The following ST6GALNAC5 variants were observed in gnomAD, a reference collection of about 807,000 sequenced individuals.
ST6GALNAC5 encodes ST6 N-acetylgalactosaminide alpha-2,6-sialyltransferase 5.
In ST6GALNAC5, 27 loss-of-function variants were observed where a neutral mutation model predicts 33.6. The observed-to-expected ratio is 0.80, with a 90% CI of 0.59 to 1.11. The LOEUF is 1.11. Among genes scored for constraint, ST6GALNAC5 ranks in the 50% least tolerant of loss-of-function variants. The pLI, the probability that ST6GALNAC5 is intolerant of heterozygous loss-of-function variation, is 0.00. For synonymous variants in ST6GALNAC5, 194 were observed against 171.2 expected, an observed-to-expected ratio of 1.13 and a Z score of -1.04; for missense variants, 428 against 454.0, an observed-to-expected ratio of 0.94 and a Z score of 0.52.
intron 2 of ST6GALNAC5, among the ~76,000 whole-genome samples, chr1:77,007,222 G>A (rs190890392): frequency 6.9e-4 from 105 of 152,256 alleles, no homozygotes; most frequent in African/African-American, 2.3e-3. Flanking sequence ...GTATTCTGAC[G>A]TGAACTCAGG....
intron 2 of ST6GALNAC5, among the ~76,000 whole-genome samples, chr1:77,038,620 G>A (rs922497162): frequency 6.6e-6 from 1 of 152,304 alleles, no homozygotes; most frequent in East Asian, 1.9e-4. Context: ...TGTTTTAGGT[G>A]TCAAGTTTAA....
chr1:76,997,244 C>T (rs910878649), intron 2 of ST6GALNAC5, among the ~76,000 whole-genome samples: 6 of 152,148 alleles, frequency 3.9e-5, no homozygotes, highest in Admixed American at 1.3e-4. Flanking sequence ...CACATGTAGG[C>T]GGTACACAGA....
At chr1:76,890,441 C>T (rs995577048) in intron 2 of ST6GALNAC5, among the ~76,000 whole-genome samples, 2 of 152,062 alleles carry the variant, frequency 1.3e-5, no homozygotes, top group African/African-American at 2.4e-5. Flanking sequence ...CTTGTCCCTC[C>T]ACATGGTTGT....
intron 4 of ST6GALNAC5, among the ~76,000 whole-genome samples, chr1:77,061,046 A>AT (rs957603450): frequency 1.3e-5 from 2 of 152,146 alleles, no homozygotes; most frequent in African/African-American, 4.8e-5. Context: ...GTTAGAAGGC[A>AT]TTTTTTGTGT....
intron 2 of ST6GALNAC5, among the ~76,000 whole-genome samples, chr1:77,022,261 C>T (rs1024380268): frequency 2.6e-5 from 4 of 152,138 alleles, no homozygotes; most frequent in Non-Finnish European, 2.9e-5. Flanking sequence ...ACTGAGACCC[C>T]AAGAAATTTA....
chr1:76,994,573 A>G (rs1323749867), intron 2 of ST6GALNAC5, among the ~76,000 whole-genome samples: 1 of 151,962 alleles, frequency 6.6e-6, no homozygotes, highest in African/African-American at 2.4e-5. Context: ...TGTATTAAAG[A>G]CCCCGAGCCC....
At chr1:76,869,291 T>A (rs1253660007) in intron 2 of ST6GALNAC5, among the ~76,000 whole-genome samples, 2 of 152,174 alleles carry the variant, frequency 1.3e-5, no homozygotes, top group Non-Finnish European at 2.9e-5. Context: ...AGGGACACAC[T>A]CAGCTTCCAT....
intron 2 of ST6GALNAC5, among the ~76,000 whole-genome samples, chr1:77,010,750 G>A (rs1650606075): frequency 6.6e-6 from 1 of 152,138 alleles, no homozygotes; most frequent in Non-Finnish European, 1.5e-5. Flanking sequence ...TAAACACACT[G>A]CACCACTCCT....
chr1:76,999,353 A>G (rs1650055757), intron 2 of ST6GALNAC5, among the ~76,000 whole-genome samples: 1 of 152,160 alleles, frequency 6.6e-6, no homozygotes, highest in Non-Finnish European at 1.5e-5. Flanking sequence ...CTGATCTAAT[A>G]TGTACCTGCC....
intron 3 of ST6GALNAC5, among the ~76,000 whole-genome samples, chr1:77,048,570 A>G (rs571498252): frequency 6.6e-6 from 1 of 152,308 alleles, no homozygotes; most frequent in East Asian, 1.9e-4. Flanking sequence ...GAAAATCATT[A>G]ATACCTATGT....
At chr1:76,983,106 A>G (rs904402541) in intron 2 of ST6GALNAC5, among the ~76,000 whole-genome samples, 3 of 151,114 alleles carry the variant, frequency 2.0e-5, no homozygotes, top group Admixed American at 1.3e-4. Flanking sequence ...GCATCAATTA[A>G]CAGGCAAAAT....
chr1:77,067,155 C>T lies in ST6GALNAC5; in HGVS notation c.*3949C>T, dbSNP rs1012463611. Among the ~76,000 whole-genome samples, 4 of 126,042 alleles carry T rather than the reference C, an allele frequency of 3.2e-5. No homozygotes were observed. Among genetic ancestry groups the T allele is most frequent in the Admixed American group, 1.7e-4 (2 of 11,872 alleles). The allele number at this position is 126,042 out of a possible 152,430, so 82.7% of individuals were successfully genotyped here. A position where few individuals can be genotyped will look rare whatever the true frequency, so the allele number is the denominator to read the frequency against. On this transcript the variant is annotated 3_prime_UTR_variant, in exon 5 of 5. Transcript: ENST00000477717. Reference sequence around the variant, plus strand: ...CGTCAAAGAGAACTATAATAATAAGCCCTGGGGGGCAGGATGTGTGAACCA... The same window carrying T: ...CGTCAAAGAGAACTATAATAATAAGTCCTGGGGGGCAGGATGTGTGAACCA...
At chr1:77,053,121 A>G (rs1225654563) in intron 4 of ST6GALNAC5, among the ~76,000 whole-genome samples, 1 of 152,078 alleles carries the variant, frequency 6.6e-6, no homozygotes, top group Non-Finnish European at 1.5e-5. Context: ...CTTCCTCACC[A>G]CCAGAGAATG....
At chr1:76,963,238 AT>A (rs1348496387) in intron 2 of ST6GALNAC5, among the ~76,000 whole-genome samples, 6 of 152,200 alleles carry the variant, frequency 3.9e-5, no homozygotes, top group Admixed American at 3.3e-4. Flanking sequence ...AAATAGCCAT[AT>A]TTTTTCCAGC....
rs193034602 is a variant in ST6GALNAC5, at chr1:76,923,913, C to T, written c.261+55171C>T. On this transcript the variant is annotated intron_variant, in intron 2 of 4. Coordinates refer to ENST00000477717, the MANE Select transcript of ST6GALNAC5 (RefSeq NM_030965.3). ...CTCCAACACCTTAAAAATTAATGGA[C>T]ATTCCAAAGAAAATATACAGCATGC... Among the ~76,000 whole-genome samples the T allele has an allele frequency of 4.3e-3, 649 of 152,198 alleles. 2 individuals carry two copies. The highest frequency in any genetic ancestry group is 7.2e-3 in the Non-Finnish European group (489 of 68,002).
chr1:77,016,549 C>T (rs192725269), intron 2 of ST6GALNAC5, among the ~76,000 whole-genome samples: 4 of 151,778 alleles, frequency 2.6e-5, no homozygotes, highest in Middle Eastern at 3.4e-3. Flanking sequence ...GAAAGAAGGC[C>T]ATATGGGCTA....
intron 4 of ST6GALNAC5, among the ~76,000 whole-genome samples, chr1:77,060,356 C>T (rs1652535809): frequency 6.6e-6 from 1 of 152,066 alleles, no homozygotes; most frequent in African/African-American, 2.4e-5. Flanking sequence ...TCACTGAGGT[C>T]AGGTGAAGGA....
rs149662667 is a variant in ST6GALNAC5, at chr1:77,045,578, T to G, written c.671+965T>G. On this transcript the variant is annotated intron_variant, in intron 3 of 4. Transcript: ENST00000477717. ...ATAGGTTGAAAGATTTGGAAATTACTGGTCTGGGAGATAAGGAAAATGCTT... is the reference window on the plus strand; with the variant it reads ...ATAGGTTGAAAGATTTGGAAATTACGGGTCTGGGAGATAAGGAAAATGCTT... Among the ~76,000 whole-genome samples, 857 of 152,320 alleles carry G rather than the reference T, an allele frequency of 5.6e-3. 7 individuals are homozygous for G. Among genetic ancestry groups the G allele is most frequent in the African/African-American group, 0.019 (809 of 41,576 alleles).
chr1:76,941,337 TGAG>T (rs1647330308), intron 2 of ST6GALNAC5, among the ~76,000 whole-genome samples: 1 of 152,110 alleles, frequency 6.6e-6, no homozygotes, highest in African/African-American at 2.4e-5. Context: ...TTTCTCCTGC[TGAG>T]GAGTTCACAT....
Sources: gnomAD v4.1 joint callset for allele counts (sites outside exome capture counted in the v4.1 genomes callset) on GRCh38, gnomAD v4.1.1 for gene constraint, MANE v1.5 for transcripts, NCBI Gene and HGNC (gene_info 2026-07-23, HGNC 2026-07-21) for gene names.